The following LILRA2 variants were observed in gnomAD, a reference collection of about 807,000 sequenced individuals.
The protein encoded by LILRA2 is leukocyte immunoglobulin-like receptor subfamily A member 2.
LILRA2 carries 45 observed loss-of-function variants against 47.9 expected under a neutral mutation model. The ratio of observed to expected loss-of-function variants is 0.94; its 90% confidence interval spans 0.74 to 1.20. The LOEUF (loss-of-function observed/expected upper bound fraction) is 1.20. Among genes scored for constraint, LILRA2 ranks in the 50% most tolerant of loss-of-function variants. The pLI is 0.00. For missense variants in LILRA2, 651 were observed against 598.2 expected (o/e 1.09, Z -0.92); for synonymous variants, 279 against 249.2 (o/e 1.12, Z -1.13).
chr19:54,588,055 A>G lies in LILRA2; in HGVS notation c.*709A>G, dbSNP rs117457688. On this transcript the variant is annotated 3_prime_UTR_variant, in exon 8 of 8. Coordinates refer to ENST00000391738, the MANE Select transcript of LILRA2 (RefSeq NM_001130917.3). ...TCTCATGGCCCAAATCAAGGTGCCA[A>G]TGGGTTCTCACTGAATACAGGGTTG... 3.4e-3 allele frequency: 521 copies of G among 152,612 alleles called. No individual in the cohort carries two copies. The South Asian group carries it at 0.067, about 20-fold the overall frequency. The allele number at this position is 152,612 out of a possible 1,614,324, so 9.5% of individuals were successfully genotyped here.
chr19:54,573,451 C>A, upstream of LILRA2: 1 of 1,087,012 alleles, frequency 9.2e-7, no homozygotes, highest in Non-Finnish European at 1.4e-6. Context: ...GACCCCGCAA[C>A]GCTGAGCTGA....
At chr19:54,584,758 T>C (rs1332578836) in intron 6 of LILRA2, among the ~76,000 whole-genome samples, 1 of 152,174 alleles carries the variant, frequency 6.6e-6, no homozygotes, top group Non-Finnish European at 1.5e-5. Context: ...TTACCGACCT[T>C]CTGAAACCTA....
chr19:54,588,634 T>G lies in LILRA2; in HGVS notation c.*1288T>G, dbSNP rs1192804660. On this transcript the variant is annotated 3_prime_UTR_variant, in exon 8 of 8. Transcript: ENST00000391738. ...AAAAAAAAAAAATCCAAGTACAACATAAGAAAAATGTTAACAGAACTATGC... is the reference window on the plus strand; with the variant it reads ...AAAAAAAAAAAATCCAAGTACAACAGAAGAAAAATGTTAACAGAACTATGC... 2.6e-5 allele frequency: 4 copies of G among 150,946 alleles called. No homozygotes were observed. In the East Asian group the frequency reaches 7.9e-4, roughly 30 times the overall value. 9.4% of individuals were successfully genotyped at this position (150,946 alleles called of 1,614,324 possible).
chr19:54,584,389 C>T (rs1370814634), intron 6 of LILRA2, among the ~76,000 whole-genome samples: 1 of 152,176 alleles, frequency 6.6e-6, no homozygotes, highest in East Asian at 1.9e-4. Context: ...TTCCATTCTC[C>T]TCGTCACTTT....
At chr19:54,584,175 C>A (rs1478218166) in intron 6 of LILRA2, among the ~76,000 whole-genome samples, 1 of 152,166 alleles carries the variant, frequency 6.6e-6, no homozygotes, top group Non-Finnish European at 1.5e-5. Context: ...TTTTGGGTAA[C>A]CAGACCTTTC....
rs374429122 is a variant in LILRA2, at chr19:54,576,066, C to G, written c.1212C>G (p.Tyr404Ter). Reference sequence around the variant, plus strand: ...ACAGCTCACTCAGCTCCAACCCCTACCTGCTGTCTCTCCCCAGTGACCCCC... The same window carrying G: ...ACAGCTCACTCAGCTCCAACCCCTAGCTGCTGTCTCTCCCCAGTGACCCCC... ...RCYSSLSSNP[Y>*]LLSLPSDPLE... The change falls in exon 6 of 8, where the codon TAC (tyrosine) becomes TAG (stop). Residue 404 changes from tyrosine (Y) to a stop codon, truncating the protein, a stop_gained. Transcript: ENST00000391738. LOFTEE classifies it high-confidence loss of function. The G allele has an allele frequency of 6.2e-7, 1 of 1,614,054 alleles. No homozygotes were observed. Among genetic ancestry groups the G allele is most frequent in the Non-Finnish European group, 8.5e-7 (1 of 1,180,036 alleles).
Position 54,574,312 on chromosome 19 carries a change from A to G in LILRA2, c.82A>G (p.Lys28Glu). Residue 28 changes from lysine (K) to glutamate (E), a missense_variant, in exon 3 of 8, where the codon AAG becomes GAG. Coordinates refer to ENST00000391738, the MANE Select transcript of LILRA2 (RefSeq NM_001130917.3). ...RTHVQAGHLP[K>E]PTLWAEPGSV... Reference sequence around the variant, plus strand: ...TGATTTCCTTCCAGGGCACCTCCCCAAGCCCACCCTCTGGGCTGAGCCAGG... The same window carrying G: ...TGATTTCCTTCCAGGGCACCTCCCCGAGCCCACCCTCTGGGCTGAGCCAGG... The G allele has an allele frequency of 6.2e-7, 1 of 1,614,196 alleles. No homozygotes were observed. The highest frequency in any genetic ancestry group is 2.2e-5 in the East Asian group (1 of 44,884).
chr19:54,583,906 G>A (rs2062718536), intron 6 of LILRA2, among the ~76,000 whole-genome samples: 1 of 152,080 alleles, frequency 6.6e-6, no homozygotes, highest in African/African-American at 2.4e-5. Context: ...GCAGTGGCTG[G>A]CACTGATTGT....
chr19:54,587,103 G>T (rs141586582), intron 7 of LILRA2, 43 bp downstream of exon 7: 1 of 1,611,506 alleles, frequency 6.2e-7, no homozygotes, highest in Admixed American at 1.7e-5. Flanking sequence ...GGCACAGAGG[G>T]TCAGGTCCTG....
chr19:54,586,487 T>C (rs1190582098), intron 6 of LILRA2, among the ~76,000 whole-genome samples: 2 of 152,148 alleles, frequency 1.3e-5, no homozygotes, highest in African/African-American at 4.8e-5. Context: ...GTGAAGTGGT[T>C]GAGGGCATGA....
chr19:54,581,850 A>AATTCTTGTC (rs2062646243), intron 6 of LILRA2, among the ~76,000 whole-genome samples: 1 of 149,044 alleles, frequency 6.7e-6, no homozygotes, highest in African/African-American at 2.6e-5. Flanking sequence ...AAGAGCCCGC[A>AATTCTTGTC]TTGTGCCGGT....
chr19:54,586,537 G>A (rs2146026501), intron 6 of LILRA2, among the ~76,000 whole-genome samples: 1 of 152,282 alleles, frequency 6.6e-6, no homozygotes, highest in East Asian at 1.9e-4. Flanking sequence ...TTGTGTTCCT[G>A]ACATTCAAGA....
Position 54,574,461 on chromosome 19 carries a change from G to A in LILRA2, c.231G>A (p.Gly77=), listed in dbSNP as rs1035667394. ...ASWVRRIQEP[G]KNGQFPIPSI... is the part of the protein sequence containing the mutation. ...GGGTTAGACGGATACAAGAGCCTGG[G>A]AAGAATGGCCAGTTCCCCATCCCAT... Residue 77 remains glycine, a synonymous_variant, in exon 3 of 8, where the codon GGG becomes GGA. Coordinates refer to ENST00000391738, the MANE Select transcript of LILRA2 (RefSeq NM_001130917.3). 6.2e-7 allele frequency: 1 copy of A among 1,614,090 alleles called. No homozygotes were observed. The highest frequency in any genetic ancestry group is 8.5e-7 in the Non-Finnish European group (1 of 1,179,986).
chr19:54,573,335 C>G, upstream of LILRA2: 1 of 649,404 alleles, frequency 1.5e-6, no homozygotes. Context: ...CTGAGCTACA[C>G]AGCCAGGTGT....
rs201511003 is a variant in LILRA2 at position 54,587,361 on chromosome 19, A to G, written c.*15A>G. ...CCGGGAGGTGAACAGCAGAGAGGAC[A>G]ATGCATCCTTCAGCGTGGTGGAGCC... On this transcript the variant is annotated 3_prime_UTR_variant, in exon 8 of 8. Transcript: ENST00000391738. 1.8e-3 allele frequency: 2,957 copies of G among 1,614,086 alleles called. 6 individuals carry two copies. Among genetic ancestry groups the G allele is most frequent in the Non-Finnish European group, 2.3e-3 (2,715 of 1,180,004 alleles).
chr19:54,587,154 C>A (rs1175440191), intron 7 of LILRA2, 47 bp from the exon 8 acceptor site: 1 of 1,612,720 alleles, frequency 6.2e-7, no homozygotes, highest in South Asian at 1.1e-5. Context: ...TACAGGAGTC[C>A]CGGGGTGATT....
Position 54,575,790 on chromosome 19 carries a change from AT to A in LILRA2, c.953-16del, listed in dbSNP as rs2062398073. 6.2e-7 allele frequency: 1 copy of A among 1,612,232 alleles called. No homozygotes were observed. The highest frequency in any genetic ancestry group is 1.3e-5 in the African/African-American group (1 of 74,698). On this transcript the variant is annotated splice_polypyrimidine_tract_variant and intron_variant, in intron 5 of 7. Transcript: ENST00000391738. The stretch of plus-strand genomic sequence containing the variant: ...AACAAGGTGGGGCAGCCCCTCACCC[AT>A]CCTTCTTCTCTCTAGGACAGTTCTA...
At position 54,577,010 on chromosome 19, in the gene LILRA2, C is replaced by T. The variant is rs549074176; in HGVS notation, c.1255+901C>T. Among the ~76,000 whole-genome samples, 357 of 151,698 alleles carry T rather than the reference C, an allele frequency of 2.4e-3. 1 individual carries two copies. The highest frequency in any genetic ancestry group is 3.7e-3 in the Non-Finnish European group (250 of 67,960). On this transcript the variant is annotated intron_variant, in intron 6 of 7. Transcript: ENST00000391738. ...ATCCTAGACCTGCTCCCGTCTACAG[C>T]CCTCTCTGGCCCTCTCCTAATTCTC...
chr19:54,577,724 G>T, intron 6 of LILRA2: 4 of 1,244,310 alleles, frequency 3.2e-6, no homozygotes, highest in Non-Finnish European at 4.2e-6. Context: ...GACAAGTCAG[G>T]CAAGTATTCA....
Sources: allele counts gnomAD v4.1 joint callset (sites outside exome capture counted in the v4.1 genomes callset), GRCh38; gene constraint gnomAD v4.1.1; transcripts MANE v1.5; gene names NCBI Gene and HGNC (gene_info 2026-07-23, HGNC 2026-07-21).